The following DUSP15 variants were observed in gnomAD, a reference collection of about 807,000 sequenced individuals.
The protein encoded by DUSP15 is dual specificity protein phosphatase 15.
Under a neutral mutation model 26.3 loss-of-function variants are expected in DUSP15, and 23 were observed. That is an observed-to-expected ratio of 0.87 (90% confidence interval 0.63 to 1.24). DUSP15 has a LOEUF of 1.24. Among genes scored for constraint, DUSP15 ranks in the 50% most tolerant of loss-of-function variants. The pLI, the probability that DUSP15 is intolerant of heterozygous loss-of-function variation, is 0.00. For synonymous variants in DUSP15, 143 were observed against 135.5 expected (o/e 1.06, Z -0.39); for missense variants, 364 against 320.6 (o/e 1.14, Z -1.03).
At chr20:31,856,250 A>C (rs775570011), downstream of DUSP15, among the ~76,000 whole-genome samples, 27 of 152,118 alleles carry the variant, frequency 1.8e-4, no homozygotes, top group Admixed American at 2.6e-4. Context: ...AAGGAGCTAC[A>C]GTTGGGGAGG....
chr20:31,865,829 A>G (rs2062753309), intron 3 of DUSP15, among the ~76,000 whole-genome samples: 1 of 152,206 alleles, frequency 6.6e-6, no homozygotes, highest in South Asian at 2.1e-4. Context: ...CCTGCCTGGT[A>G]AATTTGCTGA....
intron 7 of DUSP15, among the ~76,000 whole-genome samples, chr20:31,850,379 T>G (rs1489182593): frequency 2.0e-5 from 3 of 152,196 alleles, no homozygotes; most frequent in Non-Finnish European, 4.4e-5. Context: ...TTAACCTCTG[T>G]GTCCTGGTTT....
intron 6 of DUSP15, among the ~76,000 whole-genome samples, chr20:31,850,936 A>T (rs1399400850): frequency 6.6e-6 from 1 of 152,162 alleles, no homozygotes; most frequent in Non-Finnish European, 1.5e-5. Flanking sequence ...GTGGGAGAGG[A>T]GGCCTGTGAC....
chr20:31,870,290 G>A lies in DUSP15; in HGVS notation c.21+27C>T. 1 of 1,230,912 alleles carries A rather than the reference G, an allele frequency of 8.1e-7. No individual in the cohort carries two copies. Among genetic ancestry groups the A allele is most frequent in the Non-Finnish European group, 1.0e-6 (1 of 986,936 alleles). The allele number at this position is 1,230,912 out of a possible 1,614,324, so 76.2% of individuals were successfully genotyped here. On this transcript the variant is annotated intron_variant, in intron 1 of 6. Coordinates refer to ENST00000339738, the MANE Select transcript of DUSP15 (RefSeq NM_080611.5). The surrounding 1 kb of genome is among the most constrained non-coding windows in gnomAD (Gnocchi z 6.6). ...CCGCGGCGGCCGGGGCGGGGACCGG[G>A]GAGGCTGCGCGGGGCCCGCCCCCTA...
intron 5 of DUSP15, among the ~76,000 whole-genome samples, chr20:31,863,416 G>A (rs2062703520): frequency 6.6e-6 from 1 of 152,202 alleles, no homozygotes; most frequent in Non-Finnish European, 1.5e-5. Context: ...CTCCAGCAGA[G>A]CCAGCTTGAG....
chr20:31,848,963 C>T, intron 8 of DUSP15: 1 of 1,384,552 alleles, frequency 7.2e-7, no homozygotes, highest in Non-Finnish European at 1.0e-6. Context: ...AAGAACTAGG[C>T]AACCCACTGG....
chr20:31,850,579 C>T (rs984349366), intron 7 of DUSP15: 1 of 1,596,772 alleles, frequency 6.3e-7, no homozygotes, highest in Admixed American at 1.8e-5. Flanking sequence ...GTTCAGCACA[C>T]TGGTCGGAGG....
In DUSP15 at chr20:31,870,507, C is replaced by A; in HGVS notation, c.-170G>T. 5 of 1,410,682 alleles carry A rather than the reference C, an allele frequency of 3.5e-6. No homozygotes were observed. Among genetic ancestry groups the A allele is most frequent in the Non-Finnish European group, 3.7e-6 (4 of 1,085,220 alleles). The allele number at this position is 1,410,682 out of a possible 1,614,324, so 87.4% of individuals were successfully genotyped here. ...CCCAGCCACCGCCACCGCCCGCCGA[C>A]CCCCGGCCCGGGAGGGAAATGGTGG... On this transcript the variant is annotated 5_prime_UTR_variant, in exon 1 of 7. Coordinates refer to ENST00000339738, the MANE Select transcript of DUSP15 (RefSeq NM_080611.5). This position sits in a 1 kb window ranked among gnomAD's most constrained non-coding sequence, Gnocchi z 6.6.
intron 6 of DUSP15, among the ~76,000 whole-genome samples, chr20:31,853,413 G>A (rs771907629): frequency 6.6e-6 from 1 of 151,964 alleles, no homozygotes; most frequent in Non-Finnish European, 1.5e-5. Flanking sequence ...CCACAGGTAA[G>A]AGAAAAAATG....
At chr20:31,857,412 C>T (rs1253365539), downstream of DUSP15, among the ~76,000 whole-genome samples, 6 of 152,010 alleles carry the variant, frequency 3.9e-5, no homozygotes, top group East Asian at 9.7e-4. Flanking sequence ...CTGCCTTGAC[C>T]TCCCAAAGTG....
chr20:31,861,411 C>T lies in DUSP15; in HGVS notation c.700G>A (p.Gly234Ser), dbSNP rs765501755. 6.4e-7 allele frequency: 1 copy of T among 1,556,764 alleles called. No individual in the cohort carries two copies. The highest frequency in any genetic ancestry group is 1.8e-5 in the Admixed American group (1 of 54,642). ...ACGGCTGGACTGCATCCTCACTTGC[C>T]GCCCTTGCGGGACAGACACCGGGGG... ...CLPRCLSRKG[G>S]K The change falls in exon 7 of 7, where the codon GGC (glycine) becomes AGC (serine). Residue 234 changes from glycine (G) to serine (S), a missense_variant. Physicochemically the swap from Gly to Ser is moderately conservative, Grantham distance 56. Coordinates refer to ENST00000339738, the MANE Select transcript of DUSP15 (RefSeq NM_080611.5).
At chr20:31,863,844 T>G in intron 5 of DUSP15, 63 bp downstream of exon 5, 1 of 1,492,414 alleles carries the variant, frequency 6.7e-7, no homozygotes, top group Non-Finnish European at 9.3e-7. Flanking sequence ...GGGGAGTGTG[T>G]GTTCAGCAGA....
downstream of DUSP15, among the ~76,000 whole-genome samples, chr20:31,858,426 C>G (rs939343470): frequency 5.3e-5 from 8 of 152,216 alleles, no homozygotes; most frequent in African/African-American, 1.9e-4. This position sits in a 1 kb window ranked among gnomAD's most constrained non-coding sequence, Gnocchi z 4.4. Context: ...TACGGGCCAC[C>G]TGGATGATGC....
intron 6 of DUSP15, among the ~76,000 whole-genome samples, chr20:31,852,220 G>A (rs1281769800): frequency 2.6e-5 from 4 of 152,060 alleles, no homozygotes; most frequent in Non-Finnish European, 5.9e-5. Context: ...TGTTGGCCAA[G>A]CTGGCCTCAA....
rs1384403856 is a variant in DUSP15 at position 31,862,618 on chromosome 20, C to T, written c.388G>A (p.Gly130Ser). ...AACTCTTCAAGCTGCTGCCTAAAGC[C>T]TGGGTTGGGGTTGGCGATGGGCCTG... Reference protein sequence around the residue: ...ATRPIANPNPGFRQQLEEFGW... With the variant: ...ATRPIANPNPSFRQQLEEFGW... Residue 130 changes from glycine to serine, a missense_variant, in exon 6 of 7, where the codon GGC becomes AGC. By Grantham distance (56) the Gly-to-Ser change is moderately conservative. Coordinates refer to ENST00000339738, the MANE Select transcript of DUSP15 (RefSeq NM_080611.5). The T allele has an allele frequency of 6.2e-7, 1 of 1,614,084 alleles. No individual in the cohort carries two copies. Among genetic ancestry groups the T allele is most frequent in the East Asian group, 2.2e-5 (1 of 44,882 alleles).
At position 31,861,500 on chromosome 20, in the gene DUSP15, G is replaced by A. The variant is rs1014815851; in HGVS notation, c.611C>T (p.Thr204Met). 23 of 1,531,660 alleles carry A rather than the reference G, an allele frequency of 1.5e-5. No homozygotes were observed. Among genetic ancestry groups the A allele is most frequent in the Admixed American group, 6.0e-5 (3 of 50,266 alleles). The allele number at this position is 1,531,660 out of a possible 1,614,324, so 94.9% of individuals were successfully genotyped here. The change falls in exon 7 of 7, where the codon ACG becomes ATG. Residue 204 changes from threonine (T) to methionine (M), a missense_variant. By Grantham distance (81) the Thr-to-Met change is moderately conservative. Coordinates refer to ENST00000339738, the MANE Select transcript of DUSP15 (RefSeq NM_080611.5). Reference sequence around the variant, plus strand: ...CAGCGGCCGGTGGGCTTCCCGGGGCGTGCGCGGCACCAGGCGCTGCACGGT... The same window carrying A: ...CAGCGGCCGGTGGGCTTCCCGGGGCATGCGCGGCACCAGGCGCTGCACGGT... ...EGTVQRLVPR[T>M]PREAHRPLPL...
At chr20:31,849,588 C>A in intron 8 of DUSP15, 1 of 1,355,228 alleles carries the variant, frequency 7.4e-7, no homozygotes, top group East Asian at 2.3e-5. Flanking sequence ...CGCCTGCGCT[C>A]CACCTTGTTG....
downstream of DUSP15, among the ~76,000 whole-genome samples, chr20:31,859,607 T>C (rs187612409): frequency 2.3e-3 from 354 of 152,354 alleles, 2 homozygotes; most frequent in African/African-American, 8.2e-3. Flanking sequence ...CTTGAAGGAT[T>C]GATCTGGAAT....
At chr20:31,845,934 A>G (rs1049873076), downstream of DUSP15, among the ~76,000 whole-genome samples, 1 of 152,192 alleles carries the variant, frequency 6.6e-6, no homozygotes, top group African/African-American at 2.4e-5. Context: ...CAGGGAAAAA[A>G]GAGATAGAGA....
Sources: allele counts gnomAD v4.1 joint callset (sites outside exome capture counted in the v4.1 genomes callset), GRCh38; gene constraint gnomAD v4.1.1; non-coding constraint Gnocchi (gnomAD v3.1); transcripts MANE v1.5; gene names NCBI Gene and HGNC (gene_info 2026-07-23, HGNC 2026-07-21).